TBC1D14: variants seen among roughly 807,000 people sequenced by gnomAD.
TBC1D14 encodes TBC1 domain family member 14, also known as TBC1 domain family, member 14.
A neutral mutation model predicts 79.0 loss-of-function variants in TBC1D14; 26 were observed. That is an observed-to-expected ratio of 0.33 (90% CI 0.24 to 0.46). The LOEUF (loss-of-function observed/expected upper bound fraction) is 0.46, where lower values mean the gene tolerates loss of function less well. TBC1D14 is among the 20% of genes least tolerant of loss of function. TBC1D14 has a pLI of 1.00. For missense variants in TBC1D14, 769 were observed against 887.6 expected (o/e 0.87, Z 1.70); for synonymous variants, 394 against 349.9 (o/e 1.13, Z -1.40).
intron 10 of TBC1D14, 122 bp from the exon 11 acceptor site, chr4:7,010,531 G>T (rs1274882497): frequency 6.5e-6 from 8 of 1,231,568 alleles, no homozygotes; most frequent in Non-Finnish European, 7.7e-6. Flanking sequence ...GGCCGGAGGA[G>T]TGGGGCGGCT....
At chr4:6,916,741 C>CA (rs780801347) in intron 1 of TBC1D14, among the ~76,000 whole-genome samples, 43 of 152,202 alleles carry the variant, frequency 2.8e-4, no homozygotes, top group Non-Finnish European at 1.3e-4. Context: ...GGAATGGAAA[C>CA]AGTCTTCCTC....
At chr4:6,975,204 G>A (rs1008699383) in intron 3 of TBC1D14, among the ~76,000 whole-genome samples, 14 of 149,820 alleles carry the variant, frequency 9.3e-5, no homozygotes, top group Admixed American at 3.3e-4. Context: ...ATGAGCCGCC[G>A]CGCCCGGCCT....
chr4:6,928,990 C>T (rs1013673351), intron 2 of TBC1D14, among the ~76,000 whole-genome samples: 3 of 152,206 alleles, frequency 2.0e-5, no homozygotes, highest in Non-Finnish European at 4.4e-5. Context: ...TGAGATGGAA[C>T]ATTGTAACTA....
chr4:6,978,001 C>T (rs1365842052), intron 3 of TBC1D14, among the ~76,000 whole-genome samples: 1 of 151,056 alleles, frequency 6.6e-6, no homozygotes, highest in African/African-American at 2.4e-5. Flanking sequence ...GCCCCTCCGC[C>T]CGGCAGCCAC....
rs1462108457 is a variant in TBC1D14 at position 7,030,398 on chromosome 4, C to CA, written c.*7dup. 6.2e-7 allele frequency: 1 copy of CA among 1,613,830 alleles called. No homozygotes were observed. The highest frequency in any genetic ancestry group is 1.1e-5 in the South Asian group (1 of 91,082). On this transcript the variant is annotated 3_prime_UTR_variant, in exon 14 of 14. Transcript: ENST00000409757. ...GTCCGTCCCTCCGACACTGAGGCTG[C>CA]AGCGGGAATTCGCACTCGGCACCAA...
chr4:7,027,973 C>T (rs1170446095), intron 13 of TBC1D14, among the ~76,000 whole-genome samples: 1 of 126,342 alleles, frequency 7.9e-6, no homozygotes, highest in South Asian at 2.8e-4. Context: ...ACATTGCCCA[C>T]CCCCCCACAC....
chr4:6,933,276 CCCCCTTCCCCTT>C (rs1186457982), intron 2 of TBC1D14, among the ~76,000 whole-genome samples: 1 of 17,038 alleles, frequency 5.9e-5, no homozygotes, highest in Non-Finnish European at 1.3e-4. Flanking sequence ...CCCTTCCCCT[CCCCCTTCCCCTT>C]CCCCTTCCCC....
In TBC1D14 at chr4:6,999,076, G is replaced by A; in HGVS notation, c.1046-9G>A. 1.2e-6 allele frequency: 2 copies of A among 1,613,422 alleles called. No individual in the cohort carries two copies. The highest frequency in any genetic ancestry group is 1.7e-6 in the Non-Finnish European group (2 of 1,179,476). On this transcript the variant is annotated splice_polypyrimidine_tract_variant and intron_variant, in intron 5 of 13. Transcript: ENST00000409757. ...GTAGATTGTTGTTTTTCTAAATTGTGATTTCTAGAGCTGAAAGAAGCCCAG... is the reference window on the plus strand; with the variant it reads ...GTAGATTGTTGTTTTTCTAAATTGTAATTTCTAGAGCTGAAAGAAGCCCAG...
At chr4:6,961,009 C>T (rs138723509) in intron 2 of TBC1D14, among the ~76,000 whole-genome samples, 55 of 152,146 alleles carry the variant, frequency 3.6e-4, no homozygotes, top group Non-Finnish European at 6.3e-4. Context: ...ATTAGGACAC[C>T]GTGTCCTGGG....
At chr4:6,920,212 G>C (rs936171827) in intron 1 of TBC1D14, among the ~76,000 whole-genome samples, 1 of 152,006 alleles carries the variant, frequency 6.6e-6, no homozygotes, top group Non-Finnish European at 1.5e-5. Context: ...TTGACTCAGC[G>C]CTGCACTCTT....
At chr4:6,977,651 GC>G (rs1326021864) in intron 3 of TBC1D14, among the ~76,000 whole-genome samples, 1 of 147,336 alleles carries the variant, frequency 6.8e-6, no homozygotes, top group African/African-American at 2.5e-5. Context: ...TCTCTGCCCG[GC>G]CGCCATCCCA....
At chr4:7,002,585 T>G (rs1719777948) in intron 7 of TBC1D14, among the ~76,000 whole-genome samples, 1 of 152,212 alleles carries the variant, frequency 6.6e-6, no homozygotes, top group African/African-American at 2.4e-5. Flanking sequence ...GTGTCTGTCT[T>G]GTATTGTGAA....
At chr4:7,009,637 G>T (rs1435840832) in intron 9 of TBC1D14, among the ~76,000 whole-genome samples, 1 of 152,194 alleles carries the variant, frequency 6.6e-6, no homozygotes, top group Non-Finnish European at 1.5e-5. Flanking sequence ...TGGTGCTCCT[G>T]CCTGGCCCTC....
intron 2 of TBC1D14, among the ~76,000 whole-genome samples, chr4:6,932,822 T>G (rs1276816315): frequency 6.6e-6 from 1 of 152,102 alleles, no homozygotes; most frequent in Non-Finnish European, 1.5e-5. Flanking sequence ...CCGTGGTGTT[T>G]TGCTGCTGCA....
At chr4:6,943,612 A>T (rs943510026) in intron 2 of TBC1D14, among the ~76,000 whole-genome samples, 4 of 152,204 alleles carry the variant, frequency 2.6e-5, no homozygotes, top group African/African-American at 4.8e-5. Flanking sequence ...ATTCAGCTTA[A>T]GTGACACCTC....
chr4:6,977,994 C>T (rs1183683882), intron 3 of TBC1D14, among the ~76,000 whole-genome samples: 2 of 150,300 alleles, frequency 1.3e-5, no homozygotes, highest in Admixed American at 1.3e-4. Context: ...GTGAGGAGCC[C>T]CTCCGCCCGG....
chr4:7,022,950 A>C (rs909500436), intron 12 of TBC1D14, among the ~76,000 whole-genome samples: 1 of 152,148 alleles, frequency 6.6e-6, no homozygotes, highest in Non-Finnish European at 1.5e-5. Context: ...GTATGGGTAT[A>C]AACTATATAA....
chr4:7,021,552 G>T (rs1241435167), intron 12 of TBC1D14, among the ~76,000 whole-genome samples: 1 of 152,082 alleles, frequency 6.6e-6, no homozygotes. Flanking sequence ...AGCCGTGATT[G>T]TGCAACTGCA....
At chr4:6,935,221 G>C (rs1473715383) in intron 2 of TBC1D14, among the ~76,000 whole-genome samples, 2 of 151,968 alleles carry the variant, frequency 1.3e-5, no homozygotes, top group African/African-American at 4.8e-5. Context: ...AGGCAGAAGT[G>C]GTGTGATTTT....
Sources: gnomAD v4.1 joint callset for allele counts (sites outside exome capture counted in the v4.1 genomes callset) on GRCh38, gnomAD v4.1.1 for gene constraint, MANE v1.5 for transcripts, NCBI Gene and HGNC (gene_info 2026-07-23, HGNC 2026-07-21) for gene names.